Variants in CEACAM6 observed in about 807,000 individuals in gnomAD.
CEACAM6 encodes cell adhesion molecule CEACAM6.
In CEACAM6, 21 loss-of-function variants were observed where a neutral mutation model predicts 32.4. The ratio of observed to expected loss-of-function variants is 0.65; its 90% CI spans 0.46 to 0.93. CEACAM6 has a LOEUF of 0.93. Among genes scored for constraint, CEACAM6 ranks in the 40% least tolerant of loss-of-function variants. CEACAM6 has a pLI of 0.00. For missense variants in CEACAM6, 406 were observed against 432.2 expected (o/e 0.94, Z 0.54); for synonymous variants, 184 against 174.4 (o/e 1.06, Z -0.43).
intron 5 of CEACAM6, among the ~76,000 whole-genome samples, chr19:41,768,138 T>C (rs1474603526): frequency 1.3e-5 from 2 of 152,086 alleles, no homozygotes; most frequent in Non-Finnish European, 2.9e-5. Context: ...CAGAGGGGGA[T>C]TTGGCAGGGT....
Position 41,772,181 on chromosome 19 carries a change from C to T in CEACAM6, c.*1420C>T, listed in dbSNP as rs531344390. Reference sequence around the variant, plus strand: ...TGGTGCTGCTTTAATTCATAAATCACAAATAAAAGCCAATTAGCTCTATAA... The same window carrying T: ...TGGTGCTGCTTTAATTCATAAATCATAAATAAAAGCCAATTAGCTCTATAA... On this transcript the variant is annotated 3_prime_UTR_variant, in exon 6 of 6. Coordinates refer to ENST00000199764, the MANE Select transcript of CEACAM6 (RefSeq NM_002483.7). 1 of 152,304 alleles carries T rather than the reference C, an allele frequency of 6.6e-6. No individual in the cohort carries two copies. The highest frequency in any genetic ancestry group is 6.5e-5 in the Admixed American group (1 of 15,304). 9.4% of individuals were successfully genotyped at this position (152,304 alleles called of 1,614,324 possible).
At chr19:41,760,654 A>C (rs2072916993) in intron 2 of CEACAM6, among the ~76,000 whole-genome samples, 1 of 152,084 alleles carries the variant, frequency 6.6e-6, no homozygotes, top group Admixed American at 6.5e-5. Flanking sequence ...CCTGGGAAAA[A>C]CTGCCCCACC....
intron 2 of CEACAM6, 49 bp from the exon 3 acceptor site, chr19:41,761,200 G>A: frequency 1.2e-6 from 2 of 1,612,906 alleles, no homozygotes; most frequent in Non-Finnish European, 1.7e-6. Flanking sequence ...TGCCTGTGGA[G>A]GAATCAAAGG....
intron 4 of CEACAM6, among the ~76,000 whole-genome samples, chr19:41,765,567 G>A (rs2072951123): frequency 6.6e-6 from 1 of 152,216 alleles, no homozygotes; most frequent in South Asian, 2.1e-4. Context: ...GCCTAAGAGA[G>A]CCCTCAGACC....
rs372702581 is a variant in CEACAM6 at position 41,763,642 on chromosome 19, T to C, written c.958+1419T>C. Among the ~76,000 whole-genome samples, 41 of 152,344 alleles carry C rather than the reference T, an allele frequency of 2.7e-4. 1 individual carries two copies. The East Asian group carries it at 7.1e-3, about 27-fold the overall frequency. ...CGATCTCCGAGCCCTCAGATCGTTG[T>C]GCATCCGTCTTCTGACACACACACC... On this transcript the variant is annotated intron_variant, in intron 4 of 5. Transcript: ENST00000199764.
Position 41,761,506 on chromosome 19 carries a change from C to A in CEACAM6, c.682C>A (p.Pro228Thr), listed in dbSNP as rs1555821887. Residue 228 changes from proline (P) to threonine (T), a missense_variant, in exon 3 of 6, where the codon CCA becomes ACA. By Grantham distance (38) the Pro-to-Thr change is conservative. Coordinates refer to ENST00000199764, the MANE Select transcript of CEACAM6 (RefSeq NM_002483.7). Reference sequence around the variant, plus strand: ...CCCAGCGAGTGCCAACCGCAGTGACCCAGTCACCCTGAATGTCCTCTGTGA... The same window carrying A: ...CCCAGCGAGTGCCAACCGCAGTGACACAGTCACCCTGAATGTCCTCTGTGA... ...QNPASANRSD[P>T]VTLNVLYGPD... 6.2e-7 allele frequency: 1 copy of A among 1,614,124 alleles called. No homozygotes were observed. The highest frequency in any genetic ancestry group is 1.1e-5 in the South Asian group (1 of 91,070).
Position 41,756,906 on chromosome 19 carries a change from T to C in CEACAM6, c.371T>C (p.Val124Ala), listed in dbSNP as rs140710603. The change falls in exon 2 of 6, where the codon GTC (valine) becomes GCC (alanine). Residue 124 changes from valine (V) to alanine (A), a missense_variant. Transcript: ENST00000199764. ...GACACAGGATTCTATACCCTACAAG[T>C]CATAAAGTCAGATCTTGTGAATGAA... is the stretch of plus-strand genomic sequence containing the variant. ...QNDTGFYTLQ[V>A]IKSDLVNEEA... 2.6e-5 allele frequency: 42 copies of C among 1,613,782 alleles called. No individual in the cohort carries two copies. The African/African-American group carries it at 4.8e-4, about 18-fold the overall frequency.
chr19:41,761,261 A>G lies in CEACAM6; in HGVS notation c.437A>G (p.Lys146Arg). Residue 146 changes from lysine (K) to arginine (R), a missense_variant, in exon 3 of 6, where the codon AAG (lysine) becomes AGG (arginine). Lys to Arg is a conservative substitution (Grantham distance 26). Coordinates refer to ENST00000199764, the MANE Select transcript of CEACAM6 (RefSeq NM_002483.7). ...GQFHVYPELP[K>R]PSISSNNSNP... The stretch of plus-strand genomic sequence containing the variant: ...GTTTTCTGCACAGCGGAGCTGCCCA[A>G]GCCCTCCATCTCCAGCAACAACTCC... The G allele has an allele frequency of 6.2e-7, 1 of 1,614,220 alleles. No homozygotes were observed. Among genetic ancestry groups the G allele is most frequent in the East Asian group, 2.2e-5 (1 of 44,888 alleles).
intron 2 of CEACAM6, among the ~76,000 whole-genome samples, chr19:41,757,488 G>A (rs1275923326): frequency 1.3e-5 from 2 of 152,150 alleles, no homozygotes; most frequent in African/African-American, 4.8e-5. Flanking sequence ...CCTGGAGTTG[G>A]TCACCAGCCA....
At chr19:41,766,133 C>T in intron 4 of CEACAM6, 50 bp from the exon 5 acceptor site, 1 of 1,326,096 alleles carries the variant, frequency 7.5e-7, no homozygotes, top group Admixed American at 2.0e-5. Flanking sequence ...TCTTGGGGAC[C>T]CCACTGTAGA....
At position 41,770,960 on chromosome 19, in the gene CEACAM6, C is replaced by A. The variant is rs546076906; in HGVS notation, c.*199C>A. 3.3e-5 allele frequency: 5 copies of A among 152,266 alleles called. No individual in the cohort carries two copies. Among genetic ancestry groups the A allele is most frequent in the Non-Finnish European group, 7.3e-5 (5 of 68,070 alleles). The allele number at this position is 152,266 out of a possible 1,614,324, so 9.4% of individuals were successfully genotyped here. A position where few individuals can be genotyped will look rare whatever the true frequency, so the allele number is the denominator to read the frequency against. ...AAACCCTCAGGCCTGAGGTGTGTGC[C>A]ACTCAGAGACTTCACCTAACTAGAG... is the stretch of plus-strand genomic sequence containing the variant. On this transcript the variant is annotated 3_prime_UTR_variant, in exon 6 of 6. Transcript: ENST00000199764.
At chr19:41,764,062 G>A (rs1555822194) in intron 4 of CEACAM6, among the ~76,000 whole-genome samples, 1 of 152,074 alleles carries the variant, frequency 6.6e-6, no homozygotes, top group East Asian at 1.9e-4. Context: ...ATTATGTTGA[G>A]GTGGTTTCCT....
intron 2 of CEACAM6, among the ~76,000 whole-genome samples, chr19:41,759,084 C>T (rs2072907342): frequency 6.6e-6 from 1 of 152,226 alleles, no homozygotes; most frequent in Non-Finnish European, 1.5e-5. Flanking sequence ...AGGCTAATTT[C>T]ATCCATTGAC....
intron 2 of CEACAM6, 42 bp from the exon 3 acceptor site, chr19:41,761,207 A>C (rs367563451): frequency 4.1e-5 from 66 of 1,613,438 alleles, no homozygotes; most frequent in East Asian, 1.6e-4. Context: ...GGAGGAATCA[A>C]AGGTGCCACA....
chr19:41,756,485 C>CAT lies in CEACAM6; in HGVS notation c.65-114_65-113insTA, dbSNP rs1555821026. On this transcript the variant is annotated intron_variant, in intron 1 of 5. Transcript: ENST00000199764. ...ACACACACACACACACACACACACA[C>CAT]ACACACACGCTCCAACGTGGAGGGG... is the stretch of plus-strand genomic sequence containing the variant. 2.6e-5 allele frequency: 38 copies of CAT among 1,479,284 alleles called. No homozygotes were observed. The Middle Eastern group carries it at 1.2e-3, about 46-fold the overall frequency. 91.6% of individuals were successfully genotyped at this position (1,479,284 alleles called of 1,614,324 possible). A position where few individuals can be genotyped will look rare whatever the true frequency, so the allele number is the denominator to read the frequency against.
Position 41,756,973 on chromosome 19 carries a change from C to T in CEACAM6, c.424+14C>T, listed in dbSNP as rs2072892119. The T allele has an allele frequency of 6.3e-7, 1 of 1,585,528 alleles. No homozygotes were observed. Among genetic ancestry groups the T allele is most frequent in the African/African-American group, 1.3e-5 (1 of 74,362 alleles). On this transcript the variant is annotated intron_variant, in intron 2 of 5. Transcript: ENST00000199764. ...TCCATGTATACCGTGAGTATTTCCA[C>T]ATGACCTCTGGGTGTTGGGGGTCAG...
chr19:41,766,318 T>C lies in CEACAM6; in HGVS notation c.*40+19T>C, dbSNP rs1306870480. On this transcript the variant is annotated intron_variant, in intron 5 of 5. Transcript: ENST00000199764. ...CTGGCAGGTATGATCGCCTTTCCTC[T>C]TGCCATGTTTCCTGCAGGGCTGACC... The C allele has an allele frequency of 7.5e-7, 1 of 1,329,014 alleles. No individual in the cohort carries two copies. 82.3% of individuals were successfully genotyped at this position (1,329,014 alleles called of 1,614,324 possible). A position where few individuals can be genotyped will look rare whatever the true frequency, so the allele number is the denominator to read the frequency against.
chr19:41,759,096 T>A (rs2072907424), intron 2 of CEACAM6, among the ~76,000 whole-genome samples: 1 of 152,178 alleles, frequency 6.6e-6, no homozygotes, highest in Non-Finnish European at 1.5e-5. Context: ...TCCATTGACT[T>A]CCGTCCTCAT....
chr19:41,758,678 T>C (rs1044637064), intron 2 of CEACAM6, among the ~76,000 whole-genome samples: 1 of 152,148 alleles, frequency 6.6e-6, no homozygotes, highest in East Asian at 1.9e-4. Context: ...TGCTCCTCTC[T>C]GTCCCTCATT....
Sources: gnomAD v4.1 joint callset for allele counts (sites outside exome capture counted in the v4.1 genomes callset) on GRCh38, gnomAD v4.1.1 for gene constraint, MANE v1.5 for transcripts, NCBI Gene and HGNC (gene_info 2026-07-23, HGNC 2026-07-21) for gene names.